The following SEC24B variants were observed in gnomAD, a reference collection of about 807,000 sequenced individuals.
SEC24B encodes protein transport protein Sec24B.
SEC24B carries 45 observed loss-of-function variants against 142.8 expected under a neutral mutation model. The observed-to-expected ratio is 0.32, with a 90% CI of 0.25 to 0.40. The LOEUF (loss-of-function observed/expected upper bound fraction) is 0.40. Among genes scored for constraint, SEC24B ranks in the 10% least tolerant of loss-of-function variants. The probability of loss-of-function intolerance (pLI) is 1.00; values close to 1 mark genes in which losing one functional copy is unlikely to be tolerated. For missense variants in SEC24B, 1,409 were observed against 1,526.8 expected (o/e 0.92, Z 1.29); for synonymous variants, 574 against 568.2 (o/e 1.01, Z -0.15).
At chr4:109,531,263 T>G (rs536572343) in intron 19 of SEC24B, 122 bp from the exon 20 acceptor site, 2 of 767,984 alleles carry the variant, frequency 2.6e-6, no homozygotes, top group East Asian at 5.3e-5. Flanking sequence ...AGCTGAGAAT[T>G]GAATCTAGGT....
rs58620087 is a variant in SEC24B, at chr4:109,440,851, G to A, written c.133+6849G>A. On this transcript the variant is annotated intron_variant, in intron 1 of 23. Coordinates refer to ENST00000265175, the MANE Select transcript of SEC24B (RefSeq NM_006323.5). ...TATTCGTTATTGCTTTTGAAGACTG[G>A]CCACTGACAGGAGTCTGTGTGCCAG... 7.7e-3 allele frequency among the ~76,000 whole-genome samples: 1,177 copies of A among 152,218 alleles called. 15 individuals are homozygous for A. The highest frequency in any genetic ancestry group is 0.027 in the African/African-American group (1,116 of 41,496).
chr4:109,468,237 A>G (rs1352871169), intron 2 of SEC24B, among the ~76,000 whole-genome samples: 1 of 152,202 alleles, frequency 6.6e-6, no homozygotes, highest in African/African-American at 2.4e-5. Flanking sequence ...GGAATAGCGT[A>G]ATTTTACTCC....
intron 23 of SEC24B, among the ~76,000 whole-genome samples, chr4:109,539,330 A>G (rs1191833017): frequency 1.3e-5 from 2 of 151,778 alleles, no homozygotes; most frequent in African/African-American, 2.4e-5. Context: ...CTGGTCTTAA[A>G]CTTCTGGGCT....
chr4:109,524,712 C>G, intron 14 of SEC24B, 106 bp from the exon 15 acceptor site: 1 of 977,764 alleles, frequency 1.0e-6, no homozygotes. Context: ...ATTTAGAAAA[C>G]TCTTAGTTTG....
chr4:109,494,406 A>C (rs181268121), intron 5 of SEC24B, among the ~76,000 whole-genome samples: 37 of 152,332 alleles, frequency 2.4e-4, no homozygotes, highest in African/African-American at 8.4e-4. Flanking sequence ...ATGTAAAACA[A>C]GATAACAAAA....
rs775978447 is a variant in SEC24B, at chr4:109,482,936, CTATATATATATATATATATA to C, written c.1165+1180_1165+1199del. ...CATGAGCTACCTTGCCAGGCTTGTA[CTATATATATATATATATATA>C]TATATATATATATATATATATATAC... On this transcript the variant is annotated intron_variant, in intron 4 of 23. Coordinates refer to ENST00000265175, the MANE Select transcript of SEC24B (RefSeq NM_006323.5). Among the ~76,000 whole-genome samples the C allele has an allele frequency of 1.8e-3, 61 of 34,606 alleles. 2 individuals are homozygous for C. Among genetic ancestry groups the C allele is most frequent in the East Asian group, 9.2e-3 (9 of 978 alleles). 22.7% of individuals were successfully genotyped at this position (34,606 alleles called of 152,430 possible).
At chr4:109,492,514 T>G (rs990662991) in intron 5 of SEC24B, among the ~76,000 whole-genome samples, 5 of 152,250 alleles carry the variant, frequency 3.3e-5, no homozygotes, top group African/African-American at 1.2e-4. Context: ...TTGGTTTCTT[T>G]GTATTCATTC....
At chr4:109,448,684 C>T (rs1308716901) in intron 1 of SEC24B, among the ~76,000 whole-genome samples, 1 of 152,156 alleles carries the variant, frequency 6.6e-6, no homozygotes, top group Non-Finnish European at 1.5e-5. Flanking sequence ...CTGCCCACCT[C>T]AGCCTCCCAA....
chr4:109,506,152 A>G (rs1466274016), intron 6 of SEC24B, among the ~76,000 whole-genome samples, 176 bp from the exon 7 acceptor site: 1 of 152,176 alleles, frequency 6.6e-6, no homozygotes, highest in East Asian at 1.9e-4. Context: ...ATTCAAATTT[A>G]TTCAGTACTT....
At chr4:109,507,139 C>G (rs1442103495) in intron 7 of SEC24B, among the ~76,000 whole-genome samples, 1 of 152,096 alleles carries the variant, frequency 6.6e-6, no homozygotes, top group Non-Finnish European at 1.5e-5. Context: ...TTTGTTCTTG[C>G]ATGCTTTTAG....
chr4:109,522,328 G>C (rs1212547675), intron 14 of SEC24B, among the ~76,000 whole-genome samples: 1 of 152,194 alleles, frequency 6.6e-6, no homozygotes, highest in Non-Finnish European at 1.5e-5. Context: ...TGGGATTACA[G>C]GCGTGAGCCA....
rs1439456681 is a variant in SEC24B, at chr4:109,520,479, T to C, written c.2240T>C (p.Ile747Thr). The change falls in exon 12 of 24, where the codon ATA (isoleucine) becomes ACA (threonine). Residue 747 changes from isoleucine to threonine, a missense_variant. Physicochemically the swap from Ile to Thr is moderately conservative, Grantham distance 89. Transcript: ENST00000265175. The stretch of plus-strand genomic sequence containing the variant: ...CCTCAAATGTTGATTGTGTCTGATA[T>C]AGATGGTAAGCAGTCAGTAAAATAA... The part of the protein sequence containing the change: ...SQPQMLIVSD[I>T]DDVFLPTPDS... 1 of 1,576,090 alleles carries C rather than the reference T, an allele frequency of 6.3e-7. No homozygotes were observed. The highest frequency in any genetic ancestry group is 1.1e-5 in the South Asian group (1 of 89,836).
chr4:109,492,996 A>G (rs753627913), intron 5 of SEC24B, among the ~76,000 whole-genome samples: 1 of 151,882 alleles, frequency 6.6e-6, no homozygotes, highest in Admixed American at 6.6e-5. Context: ...TTGGGATAAT[A>G]GGCTTGAGCC....
intron 1 of SEC24B, among the ~76,000 whole-genome samples, chr4:109,453,151 A>G (rs1036716696): frequency 5.3e-5 from 8 of 152,176 alleles, no homozygotes; most frequent in Non-Finnish European, 7.3e-5. Context: ...GGTCACAGAG[A>G]TCCCATGCTT....
intron 5 of SEC24B, among the ~76,000 whole-genome samples, chr4:109,492,594 T>C (rs2126006062): frequency 6.6e-6 from 1 of 152,368 alleles, no homozygotes; most frequent in Middle Eastern, 3.4e-3. Flanking sequence ...ACAAGTTTTC[T>C]TTCTATTTAT....
chr4:109,441,604 G>T (rs1256553985), intron 1 of SEC24B, among the ~76,000 whole-genome samples: 1 of 152,052 alleles, frequency 6.6e-6, no homozygotes, highest in Non-Finnish European at 1.5e-5. Context: ...GCTAATTTTT[G>T]TATTTTTTGT....
chr4:109,500,488 G>A (rs576059718), intron 6 of SEC24B, among the ~76,000 whole-genome samples: 1 of 148,218 alleles, frequency 6.7e-6, no homozygotes, highest in East Asian at 2.0e-4. Flanking sequence ...AGGTTGCAGT[G>A]AGCCAAAATT....
At chr4:109,467,163 A>G (rs1731995372) in intron 2 of SEC24B, among the ~76,000 whole-genome samples, 1 of 151,406 alleles carries the variant, frequency 6.6e-6, no homozygotes, top group Non-Finnish European at 1.5e-5. Context: ...CGTCTCTACT[A>G]AAAATACAAA....
intron 6 of SEC24B, among the ~76,000 whole-genome samples, chr4:109,500,714 C>T (rs898995981): frequency 2.0e-5 from 3 of 152,062 alleles, no homozygotes; most frequent in African/African-American, 7.2e-5. Context: ...TGCAGTGGCA[C>T]AATCTTGGCT....
Sources: gnomAD v4.1 joint callset for allele counts (sites outside exome capture counted in the v4.1 genomes callset) on GRCh38, gnomAD v4.1.1 for gene constraint, MANE v1.5 for transcripts, NCBI Gene and HGNC (gene_info 2026-07-23, HGNC 2026-07-21) for gene names.